Variants in ASCC3 observed in about 807,000 individuals in gnomAD.
ASCC3 encodes ASC-1 complex subunit P200.
ASCC3 carries 158 observed loss-of-function variants against 256.3 expected under a neutral mutation model. The observed-to-expected ratio is 0.62, with a 90% CI of 0.54 to 0.70. The LOEUF (loss-of-function observed/expected upper bound fraction) is 0.70, where lower values mean the gene tolerates loss of function less well. ASCC3 is among the 30% of genes least tolerant of loss of function. ASCC3 has a pLI of 0.00. For synonymous variants in ASCC3, 948 were observed against 883.4 expected (o/e 1.07, Z -1.30); for missense variants, 2,259 against 2,626.0 (o/e 0.86, Z 3.05).
chr6:100,760,003 T>G (rs1781355274), intron 10 of ASCC3, among the ~76,000 whole-genome samples: 1 of 152,172 alleles, frequency 6.6e-6, no homozygotes, highest in Admixed American at 6.5e-5. Context: ...CACTAATTTT[T>G]GTATCCTGAG....
intron 36 of ASCC3, among the ~76,000 whole-genome samples, chr6:100,561,991 T>A (rs1402418787): frequency 6.6e-6 from 1 of 152,118 alleles, no homozygotes; most frequent in Non-Finnish European, 1.5e-5. Flanking sequence ...TAAGAAAGCA[T>A]AACATTTTAT....
At chr6:100,670,981 G>A (rs1045479624) in intron 14 of ASCC3, among the ~76,000 whole-genome samples, 8 of 151,904 alleles carry the variant, frequency 5.3e-5, no homozygotes, top group African/African-American at 1.9e-4. Flanking sequence ...TTATACAGTT[G>A]CAAAAAGAAT....
At chr6:100,627,488 G>T in intron 29 of ASCC3, 102 bp downstream of exon 29, 2 of 1,447,990 alleles carry the variant, frequency 1.4e-6, no homozygotes, top group African/African-American at 1.4e-5. Context: ...CGTAGAAGCT[G>T]GACCAGTATC....
chr6:100,831,203 GA>G (rs1771601117), intron 4 of ASCC3, among the ~76,000 whole-genome samples: 1 of 151,432 alleles, frequency 6.6e-6, no homozygotes, highest in East Asian at 1.9e-4. Context: ...AAATTATCTT[GA>G]AAAACCCTTT....
intron 27 of ASCC3, among the ~76,000 whole-genome samples, 166 bp downstream of exon 27, chr6:100,628,848 GA>G (rs1774387822): frequency 6.6e-6 from 1 of 152,008 alleles, no homozygotes; most frequent in Non-Finnish European, 1.5e-5. Flanking sequence ...TAAGGTGATA[GA>G]TGTTAATTAG....
chr6:100,767,036 C>A, intron 9 of ASCC3, 109 bp downstream of exon 9: 4 of 1,138,958 alleles, frequency 3.5e-6, no homozygotes, highest in Non-Finnish European at 5.1e-6. Flanking sequence ...ACTTATCTGA[C>A]TTCAAGTACA....
intron 10 of ASCC3, 85 bp from the exon 11 acceptor site, chr6:100,725,788 G>T: frequency 7.0e-7 from 1 of 1,434,472 alleles, no homozygotes. Flanking sequence ...AAATATTTTG[G>T]CCACCTCTAC....
At chr6:100,842,722 G>A (rs1772205282) in intron 4 of ASCC3, among the ~76,000 whole-genome samples, 1 of 152,100 alleles carries the variant, frequency 6.6e-6, no homozygotes, top group Non-Finnish European at 1.5e-5. Flanking sequence ...TGCAATCCCT[G>A]CACTTCAGGA....
Position 100,648,346 on chromosome 6 carries a change from C to T in ASCC3, c.3253-895G>A, listed in dbSNP as rs142666356. On this transcript the variant is annotated intron_variant, in intron 20 of 41. Coordinates refer to ENST00000369162, the MANE Select transcript of ASCC3 (RefSeq NM_006828.4). ...GTTTTTTAAATGAACTTATACCTTC[C>T]AAAATCCAGTAACATCTGTATTTGA... 3.7e-3 allele frequency among the ~76,000 whole-genome samples: 555 copies of T among 152,036 alleles called. 6 individuals are homozygous for T. Among genetic ancestry groups the T allele is most frequent in the African/African-American group, 0.013 (532 of 41,502 alleles).
chr6:100,512,537 A>G (rs1773815183), intron 40 of ASCC3, among the ~76,000 whole-genome samples, 172 bp downstream of exon 40: 1 of 152,210 alleles, frequency 6.6e-6, no homozygotes. Flanking sequence ...CTGAAAAATG[A>G]CACATGAGGA....
chr6:100,595,630 G>C (rs924386001), intron 34 of ASCC3, among the ~76,000 whole-genome samples: 1 of 152,136 alleles, frequency 6.6e-6, no homozygotes, highest in Non-Finnish European at 1.5e-5. Context: ...AAGAGAAGTG[G>C]ACAGGGAATG....
At chr6:100,781,441 T>C (rs1369122352) in intron 8 of ASCC3, among the ~76,000 whole-genome samples, 1 of 152,148 alleles carries the variant, frequency 6.6e-6, no homozygotes, top group Admixed American at 6.6e-5. Context: ...TGGAATGCAG[T>C]GGTGCGATCT....
chr6:100,627,674 C>T lies in ASCC3; in HGVS notation c.4558G>A (p.Val1520Ile), dbSNP rs750756662. ...CCTTGAATGTGAACTTCCAGTGGAA[C>T]TGGGCGTACTGATGGTCGGAAGTTA... ...LFNFRPSVRPVPLEVHIQGFP... is the reference protein window; with the variant it reads ...LFNFRPSVRPIPLEVHIQGFP... The change falls in exon 29 of 42, where the codon GTT becomes ATT. Residue 1520 changes from valine to isoleucine, a missense_variant. This residue lies in a region of ASCC3 where 1,839 missense variants were observed against 2,206.7 expected (regional missense o/e 0.83). Coordinates refer to ENST00000369162, the MANE Select transcript of ASCC3 (RefSeq NM_006828.4). The T allele has an allele frequency of 6.2e-7, 1 of 1,613,472 alleles. No homozygotes were observed. The highest frequency in any genetic ancestry group is 1.3e-5 in the African/African-American group (1 of 74,876).
rs369896020 is a variant in ASCC3, at chr6:100,564,617, G to A, written c.5551-24230C>T. ...ACTACCAAGCTACAATCACTTCTTAGACATAGGCCGGTTCCCTTCCTGAAA... is the reference window on the plus strand; with the variant it reads ...ACTACCAAGCTACAATCACTTCTTAAACATAGGCCGGTTCCCTTCCTGAAA... On this transcript the variant is annotated intron_variant, in intron 36 of 41. Coordinates refer to ENST00000369162, the MANE Select transcript of ASCC3 (RefSeq NM_006828.4). Among the ~76,000 whole-genome samples the A allele has an allele frequency of 3.9e-5, 6 of 152,214 alleles. No individual in the cohort carries two copies. In the South Asian group the frequency reaches 6.2e-4, roughly 16 times the overall value.
rs1775434449 is a variant in ASCC3, at chr6:100,647,401, A to G, written c.3303T>C (p.Arg1101=). 6.2e-7 allele frequency: 1 copy of G among 1,614,078 alleles called. No homozygotes were observed. The highest frequency in any genetic ancestry group is 8.5e-7 in the Non-Finnish European group (1 of 1,179,972). Residue 1101 remains arginine (R), a synonymous_variant, in exon 21 of 42, where the codon CGT becomes CGC. Coordinates refer to ENST00000369162, the MANE Select transcript of ASCC3 (RefSeq NM_006828.4). ...GGAGCCTGTAGGTCATGGTAGGCCA[A>G]CGTTTCCTCAGAGCAATTTCAAAAA... ...RALFEIALRK[R]WPTMTYRLLN...
chr6:100,606,397 C>T (rs543052439), intron 32 of ASCC3, among the ~76,000 whole-genome samples: 1 of 152,132 alleles, frequency 6.6e-6, no homozygotes, highest in South Asian at 2.1e-4. Context: ...TAAAATTAAG[C>T]AAAACAATAC....
chr6:100,660,004 C>T (rs971582223), intron 16 of ASCC3, among the ~76,000 whole-genome samples: 3 of 151,410 alleles, frequency 2.0e-5, no homozygotes, highest in Admixed American at 6.6e-5. Context: ...TCTTCCTTGA[C>T]ATGCATTTCA....
rs577656021 is a variant in ASCC3, at chr6:100,873,511, C to T, written c.-41-5473G>A. 2.0e-5 allele frequency among the ~76,000 whole-genome samples: 3 copies of T among 152,250 alleles called. No individual in the cohort carries two copies. In the East Asian group the frequency reaches 5.8e-4, roughly 29 times the overall value. ...TGCTAGAGACCTAGACAATCAAATA[C>T]AAGACATTCAAAGAACACCTGGGAA... is the stretch of plus-strand genomic sequence containing the variant. On this transcript the variant is annotated intron_variant, in intron 1 of 41. Transcript: ENST00000369162.
intron 1 of ASCC3, among the ~76,000 whole-genome samples, chr6:100,870,225 T>C (rs201345019): frequency 1.4e-5 from 1 of 71,516 alleles, no homozygotes; most frequent in African/African-American, 5.1e-5. Flanking sequence ...GCATTTTTAA[T>C]GCATTTTTTA....
Sources: gnomAD v4.1 joint callset for allele counts (sites outside exome capture counted in the v4.1 genomes callset) on GRCh38, gnomAD v4.1.1 for gene constraint, gnomAD v4.1.1 regional missense constraint, MANE v1.5 for transcripts, NCBI Gene and HGNC (gene_info 2026-07-23, HGNC 2026-07-21) for gene names.